The following AGBL4 variants were observed in gnomAD, a reference collection of about 807,000 sequenced individuals.
AGBL4 encodes the protein cytosolic carboxypeptidase 6.
Under a neutral mutation model 66.4 loss-of-function variants are expected in AGBL4, and 58 were observed. That is an observed-to-expected ratio of 0.87 (90% confidence interval 0.71 to 1.09). The LOEUF (loss-of-function observed/expected upper bound fraction) is 1.09, where lower values mean the gene tolerates loss of function less well. Among genes scored for constraint, AGBL4 ranks in the 50% least tolerant of loss-of-function variants. AGBL4 has a pLI of 0.00. For synonymous variants in AGBL4, 234 were observed against 222.9 expected (o/e 1.05, Z -0.44); for missense variants, 579 against 631.0 (o/e 0.92, Z 0.88).
intron 4 of AGBL4, among the ~76,000 whole-genome samples, chr1:49,113,542 T>C (rs1006359478): frequency 6.6e-6 from 1 of 152,182 alleles, no homozygotes; most frequent in Non-Finnish European, 1.5e-5. Context: ...CATGAGCCAC[T>C]GCGCCCAGAC....
At chr1:48,837,662 G>T in intron 6 of AGBL4, among the ~76,000 whole-genome samples, 1 of 85,938 alleles carries the variant, frequency 1.2e-5, no homozygotes, top group Non-Finnish European at 2.1e-5. Flanking sequence ...ATTACTTAAT[G>T]AACACACACA....
intron 11 of AGBL4, among the ~76,000 whole-genome samples, chr1:48,576,175 C>T (rs571509051): frequency 1.3e-5 from 2 of 152,300 alleles, no homozygotes; most frequent in East Asian, 3.9e-4. Context: ...GACCTGAGCT[C>T]CTCCTCCTGT....
chr1:48,917,478 G>A (rs948717421), intron 5 of AGBL4, among the ~76,000 whole-genome samples: 26 of 151,994 alleles, frequency 1.7e-4, no homozygotes, highest in Admixed American at 3.3e-4. Flanking sequence ...CATTTACCTA[G>A]CAGCTGTACT....
At chr1:48,965,984 A>G (rs1027008880) in intron 5 of AGBL4, among the ~76,000 whole-genome samples, 5 of 152,310 alleles carry the variant, frequency 3.3e-5, no homozygotes, top group African/African-American at 1.2e-4. Context: ...GATTTGAGGT[A>G]GAATTCTCAC....
intron 6 of AGBL4, among the ~76,000 whole-genome samples, chr1:48,797,822 C>T (rs1315506501): frequency 2.0e-5 from 3 of 152,190 alleles, no homozygotes; most frequent in Non-Finnish European, 2.9e-5. Flanking sequence ...GTTAGGATTA[C>T]AGGCGTGAGC....
chr1:49,434,394 C>A (rs1645854189), intron 3 of AGBL4, among the ~76,000 whole-genome samples: 1 of 152,116 alleles, frequency 6.6e-6, no homozygotes, highest in Non-Finnish European at 1.5e-5. Flanking sequence ...ATGAATTCTA[C>A]TTTTAGTAAA....
At chr1:49,215,604 T>A (rs1649024544) in intron 4 of AGBL4, among the ~76,000 whole-genome samples, 2 of 152,110 alleles carry the variant, frequency 1.3e-5, no homozygotes, top group East Asian at 3.9e-4. Context: ...CTTTTTCACA[T>A]TCTCTTCCCA....
chr1:49,613,209 A>G (rs1416411651), intron 3 of AGBL4, among the ~76,000 whole-genome samples: 1 of 152,058 alleles, frequency 6.6e-6, no homozygotes, highest in Non-Finnish European at 1.5e-5. Flanking sequence ...GATGGGAACA[A>G]CAGACACTGG....
At chr1:49,816,786 AT>A (rs1302229334) in intron 2 of AGBL4, among the ~76,000 whole-genome samples, 6 of 152,192 alleles carry the variant, frequency 3.9e-5, no homozygotes, top group Admixed American at 6.5e-5. Flanking sequence ...AGCATCTCTA[AT>A]ACTGCTCATA....
Position 48,612,672 on chromosome 1 carries a change from A to C in AGBL4, c.952-21687T>G, listed in dbSNP as rs183660624. Among the ~76,000 whole-genome samples, 11 of 152,370 alleles carry C rather than the reference A, an allele frequency of 7.2e-5. No homozygotes were observed. The East Asian group carries it at 1.7e-3, about 24-fold the overall frequency. ...TAGCTGGTTGGCAGAATAGATGGCT[A>C]AATAAAAGTGCTTTTAAAAAACAGA... On this transcript the variant is annotated intron_variant, in intron 9 of 13. Transcript: ENST00000371839.
At chr1:48,854,926 T>C (rs1175945922) in intron 6 of AGBL4, among the ~76,000 whole-genome samples, 1 of 152,198 alleles carries the variant, frequency 6.6e-6, no homozygotes, top group Non-Finnish European at 1.5e-5. Flanking sequence ...GAAAAACAGA[T>C]TGGGTCCTTT....
chr1:49,343,779 A>G (rs1645586919), intron 3 of AGBL4, among the ~76,000 whole-genome samples: 1 of 152,230 alleles, frequency 6.6e-6, no homozygotes, highest in South Asian at 2.1e-4. Flanking sequence ...TGCTTTCAAA[A>G]TATGTGAATG....
intron 3 of AGBL4, among the ~76,000 whole-genome samples, chr1:49,474,296 G>T (rs1050329586): frequency 3.3e-5 from 5 of 151,894 alleles, no homozygotes; most frequent in African/African-American, 9.7e-5. Context: ...TGTCATCTCC[G>T]ATTTCTTTCA....
At chr1:49,108,642 A>C (rs1034686351) in intron 4 of AGBL4, among the ~76,000 whole-genome samples, 1 of 152,188 alleles carries the variant, frequency 6.6e-6, no homozygotes, top group Non-Finnish European at 1.5e-5. Context: ...TCAGGGGAGA[A>C]CGTTCAGTGT....
chr1:48,649,945 G>C (rs1645900017), intron 8 of AGBL4, among the ~76,000 whole-genome samples: 1 of 152,208 alleles, frequency 6.6e-6, no homozygotes, highest in Non-Finnish European at 1.5e-5. Context: ...ATTTACCCAA[G>C]GTCATATAGC....
At chr1:48,812,500 T>A (rs1302065538) in intron 6 of AGBL4, among the ~76,000 whole-genome samples, 1 of 152,222 alleles carries the variant, frequency 6.6e-6, no homozygotes, top group African/African-American at 2.4e-5. Context: ...CTCTAGAGTC[T>A]GCTCTGTGCC....
intron 3 of AGBL4, among the ~76,000 whole-genome samples, chr1:49,372,667 CTT>C (rs372201265): frequency 7.9e-4 from 59 of 74,354 alleles, no homozygotes; most frequent in Middle Eastern, 6.7e-3. Context: ...TTCTTTCTTT[CTT>C]TCTTTCTTTC....
chr1:49,973,784 AC>A (rs1658339825), intron 1 of AGBL4, among the ~76,000 whole-genome samples: 1 of 150,846 alleles, frequency 6.6e-6, no homozygotes, highest in Non-Finnish European at 1.5e-5. Flanking sequence ...TAAGAGCATT[AC>A]AGAAAATGCC....
intron 3 of AGBL4, among the ~76,000 whole-genome samples, chr1:49,466,557 C>T (rs1412597333): frequency 6.6e-6 from 1 of 151,770 alleles, no homozygotes; most frequent in Non-Finnish European, 1.5e-5. Flanking sequence ...CCATCCCCTG[C>T]CACAATCCCA....
Sources: gnomAD v4.1 joint callset for allele counts (sites outside exome capture counted in the v4.1 genomes callset) on GRCh38, gnomAD v4.1.1 for gene constraint, MANE v1.5 for transcripts, NCBI Gene and HGNC (gene_info 2026-07-23, HGNC 2026-07-21) for gene names.